The following DNAAF9 variants were observed in gnomAD, a reference collection of about 807,000 sequenced individuals.
DNAAF9 encodes dynein axonemal assembly factor 9.
Under a neutral mutation model 167.0 loss-of-function variants are expected in DNAAF9, and 90 were observed. The ratio of observed to expected loss-of-function variants is 0.54; its 90% CI spans 0.45 to 0.64. The LOEUF is 0.64. Among genes scored for constraint, DNAAF9 ranks in the 30% least tolerant of loss-of-function variants. The pLI, the probability that DNAAF9 is intolerant of heterozygous loss-of-function variation, is 0.00. For synonymous variants in DNAAF9, 491 were observed against 508.8 expected (o/e 0.96, Z 0.47); for missense variants, 1,315 against 1,442.2 (o/e 0.91, Z 1.43).
intron 31 of DNAAF9, among the ~76,000 whole-genome samples, chr20:3,264,158 G>A (rs1259046811): frequency 6.6e-6 from 1 of 152,196 alleles, no homozygotes; most frequent in Non-Finnish European, 1.5e-5. Context: ...CCCTCAGTAG[G>A]GGCTGGAGGA....
intron 1 of DNAAF9, among the ~76,000 whole-genome samples, chr20:3,402,667 T>G (rs540099411): frequency 6.6e-6 from 1 of 152,052 alleles, no homozygotes; most frequent in Non-Finnish European, 1.5e-5. Flanking sequence ...AGCCTTGACC[T>G]CCTTGGCTCA....
chr20:3,253,768 G>C lies in DNAAF9; in HGVS notation c.3379C>G (p.Gln1127Glu), dbSNP rs2068231736. ...TTGTCACCAAAGAAGTTAACAAATT[G>C]GGTGCCATTATAAAAGTAGCCTGCA... ...LPAGYFYNGT[Q>E]FVNFFGDKTD... is the part of the protein sequence containing the mutation. The change falls in exon 36 of 37, where the codon CAA becomes GAA. Residue 1127 changes from glutamine (Q) to glutamate (E), a missense_variant. Transcript: ENST00000252032. 1 of 1,613,210 alleles carries C rather than the reference G, an allele frequency of 6.2e-7. No homozygotes were observed. The highest frequency in any genetic ancestry group is 8.5e-7 in the Non-Finnish European group (1 of 1,179,224).
chr20:3,340,680 C>A (rs763208791), intron 9 of DNAAF9, 41 bp from the exon 10 acceptor site: 1 of 1,607,810 alleles, frequency 6.2e-7, no homozygotes, highest in South Asian at 1.1e-5. Context: ...GAAAAGAGTT[C>A]CTGGCCAAGG....
At chr20:3,293,849 G>A (rs1213106060) in intron 25 of DNAAF9, among the ~76,000 whole-genome samples, 1 of 152,130 alleles carries the variant, frequency 6.6e-6, no homozygotes, top group African/African-American at 2.4e-5. Flanking sequence ...TGGCATGAAA[G>A]CACTGAGTAG....
At chr20:3,288,758 G>A (rs944573178) in intron 26 of DNAAF9, among the ~76,000 whole-genome samples, 3 of 152,170 alleles carry the variant, frequency 2.0e-5, no homozygotes, top group Non-Finnish European at 4.4e-5. Context: ...ACAGCCAGGT[G>A]GAAGTGAAGG....
chr20:3,393,559 A>C (rs1313170694), intron 1 of DNAAF9, among the ~76,000 whole-genome samples: 1 of 152,204 alleles, frequency 6.6e-6, no homozygotes, highest in Non-Finnish European at 1.5e-5. Context: ...AAACTGTTGT[A>C]CTGTATTATT....
At chr20:3,335,757 CAAAAAAAA>C (rs151182468) in intron 10 of DNAAF9, among the ~76,000 whole-genome samples, 1 of 98,212 alleles carries the variant, frequency 1.0e-5, no homozygotes, top group African/African-American at 4.0e-5. Context: ...AACTCCGTCT[CAAAAAAAA>C]AAAAAAAAAA....
chr20:3,259,652 A>G (rs2068345751), intron 32 of DNAAF9, 98 bp from the exon 33 acceptor site: 2 of 849,738 alleles, frequency 2.4e-6, no homozygotes, highest in South Asian at 2.8e-5. Context: ...GAGGGACCAT[A>G]CACCAGGGTC....
At position 3,365,373 on chromosome 20, in the gene DNAAF9, T is replaced by TTTTATTTATTTATTTA. The variant is rs145072503; in HGVS notation, c.613-5796_613-5781dup. Among the ~76,000 whole-genome samples the TTTTATTTATTTATTTA allele has an allele frequency of 3.5e-3, 531 of 149,708 alleles. 4 individuals are homozygous for TTTTATTTATTTATTTA. Among genetic ancestry groups the TTTTATTTATTTATTTA allele is most frequent in the African/African-American group, 0.013 (518 of 40,534 alleles). The stretch of plus-strand genomic sequence containing the variant: ...TGATATGCCACACTATTTGATAACA[T>TTTTATTTATTTATTTA]TTTATTTATTTATTTATTTATTTAT... On this transcript the variant is annotated intron_variant, in intron 6 of 36. Coordinates refer to ENST00000252032, the MANE Select transcript of DNAAF9 (RefSeq NM_001009984.3).
intron 1 of DNAAF9, among the ~76,000 whole-genome samples, chr20:3,382,953 G>A (rs999195596): frequency 2.0e-5 from 3 of 152,026 alleles, no homozygotes; most frequent in Non-Finnish European, 4.4e-5. Context: ...CCCCAAACTG[G>A]CCTGAGAACC....
chr20:3,267,045 T>G (rs1287821701), intron 30 of DNAAF9, among the ~76,000 whole-genome samples: 2 of 151,756 alleles, frequency 1.3e-5, no homozygotes, highest in Non-Finnish European at 2.9e-5. Flanking sequence ...AGAGATGGGG[T>G]TTTGCCATAT....
chr20:3,272,400 T>A (rs534507333), intron 29 of DNAAF9, among the ~76,000 whole-genome samples: 210 of 152,212 alleles, frequency 1.4e-3, no homozygotes, highest in Non-Finnish European at 2.3e-3. Flanking sequence ...CTAATTTTTT[T>A]ATTTTTTTTA....
chr20:3,260,622 C>G (rs573857524), intron 31 of DNAAF9, among the ~76,000 whole-genome samples: 1 of 150,906 alleles, frequency 6.6e-6, no homozygotes, highest in South Asian at 2.1e-4. Context: ...CTCAGGATGC[C>G]CTCCCATTTC....
intron 1 of DNAAF9, among the ~76,000 whole-genome samples, chr20:3,396,005 C>T (rs2083901763): frequency 6.6e-6 from 1 of 152,154 alleles, no homozygotes; most frequent in Non-Finnish European, 1.5e-5. Flanking sequence ...GAATAAGTCC[C>T]ATGAGATCTG....
intron 4 of DNAAF9, 88 bp from the exon 5 acceptor site, chr20:3,375,214 G>T: frequency 2.3e-6 from 2 of 856,030 alleles, no homozygotes; most frequent in Non-Finnish European, 3.9e-6. Context: ...AACCAGAGTT[G>T]TCCCAAATGA....
intron 20 of DNAAF9, among the ~76,000 whole-genome samples, chr20:3,311,052 C>T (rs2069405778): frequency 6.6e-6 from 1 of 152,260 alleles, no homozygotes; most frequent in African/African-American, 2.4e-5. Context: ...TCATTCCAAC[C>T]CTACAGAAAC....
At chr20:3,291,345 GTT>G (rs1330690178) in intron 25 of DNAAF9, among the ~76,000 whole-genome samples, 2 of 133,586 alleles carry the variant, frequency 1.5e-5, no homozygotes. Context: ...AAGTTTTTTT[GTT>G]TTTTTTTTTT....
chr20:3,330,791 C>CCTTTTTTTT, intron 11 of DNAAF9, 109 bp from the exon 12 acceptor site: 1 of 414,496 alleles, frequency 2.4e-6, no homozygotes, highest in Non-Finnish European at 4.2e-6. Context: ...AAGAACTACA[C>CCTTTTTTTT]TTTTTTTTTT....
intron 21 of DNAAF9, among the ~76,000 whole-genome samples, chr20:3,302,155 T>A (rs1012689603): frequency 4.6e-5 from 7 of 152,034 alleles, no homozygotes; most frequent in Admixed American, 1.3e-4. Context: ...GCCAGGCTGG[T>A]CTTGAACTCC....
Sources: allele counts gnomAD v4.1 joint callset (sites outside exome capture counted in the v4.1 genomes callset), GRCh38; gene constraint gnomAD v4.1.1; transcripts MANE v1.5; gene names NCBI Gene and HGNC (gene_info 2026-07-23, HGNC 2026-07-21).